The following FGF6 variants were observed in gnomAD, a reference collection of about 807,000 sequenced individuals.
The protein encoded by FGF6 is fibroblast growth factor 6.
FGF6 carries 14 observed loss-of-function variants against 18.4 expected under a neutral mutation model. That is an observed-to-expected ratio of 0.76 (90% confidence interval 0.50 to 1.19). FGF6 has a LOEUF of 1.19. Among genes scored for constraint, FGF6 ranks in the 50% most tolerant of loss-of-function variants. The probability of loss-of-function intolerance (pLI) is 0.00; values close to 1 mark genes in which losing one functional copy is unlikely to be tolerated. For missense variants in FGF6, 266 were observed against 271.6 expected (o/e 0.98, Z 0.15); for synonymous variants, 125 against 116.7 (o/e 1.07, Z -0.46).
At position 4,445,681 on chromosome 12, in the gene FGF6, A is replaced by T. The variant is rs1865757461; in HGVS notation, c.-111T>A. The T allele has an allele frequency of 3.4e-6, 3 of 891,934 alleles. No homozygotes were observed. Among genetic ancestry groups the T allele is most frequent in the South Asian group, 1.8e-5 (1 of 56,284 alleles). 55.3% of individuals were successfully genotyped at this position (891,934 alleles called of 1,614,324 possible). A position where few individuals can be genotyped will look rare whatever the true frequency, so the allele number is the denominator to read the frequency against. ...GGGGCTTATTTTTGGAAGGCAGATG[A>T]AGGCTGCTGACATGAAACCAAAGCC... On this transcript the variant is annotated 5_prime_UTR_variant, in exon 1 of 3. Coordinates refer to ENST00000228837, the MANE Select transcript of FGF6 (RefSeq NM_020996.3). This position sits in a 1 kb window ranked among gnomAD's most constrained non-coding sequence, Gnocchi z 5.5.
At chr12:4,440,285 C>T (rs1865675803) in intron 2 of FGF6, among the ~76,000 whole-genome samples, 1 of 152,172 alleles carries the variant, frequency 6.6e-6, no homozygotes, top group South Asian at 2.1e-4. Context: ...CAAGCATATC[C>T]ATGGGGTAGA....
At chr12:4,439,423 G>A (rs1032918557) in intron 2 of FGF6, among the ~76,000 whole-genome samples, 2 of 152,288 alleles carry the variant, frequency 1.3e-5, no homozygotes, top group African/African-American at 4.8e-5. Context: ...GAAATCTTGA[G>A]GTGGAGGAAG....
chr12:4,435,785 G>A (rs117878216), intron 2 of FGF6, among the ~76,000 whole-genome samples: 20 of 152,196 alleles, frequency 1.3e-4, no homozygotes, highest in East Asian at 1.9e-4. Context: ...TTCCTGTCTC[G>A]CATGCACAGA....
chr12:4,434,160 A>G lies in FGF6; in HGVS notation c.*55T>C, dbSNP rs975106854. The stretch of plus-strand genomic sequence containing the variant: ...GCAAGGGGAATTCTTCGCTGGTGCA[A>G]AATTTCAATCGAACAGATGATGCTT... On this transcript the variant is annotated 3_prime_UTR_variant, in exon 3 of 3. Transcript: ENST00000228837. 1.3e-6 allele frequency: 2 copies of G among 1,590,880 alleles called. No individual in the cohort carries two copies. Among genetic ancestry groups the G allele is most frequent in the African/African-American group, 1.3e-5 (1 of 74,384 alleles).
intron 2 of FGF6, among the ~76,000 whole-genome samples, chr12:4,442,004 C>A (rs916850735): frequency 1.3e-5 from 2 of 151,894 alleles, no homozygotes; most frequent in Non-Finnish European, 1.5e-5. Flanking sequence ...GCCCTGAGGT[C>A]CAGGGAGGAG....
At chr12:4,444,094 C>A in intron 2 of FGF6, 39 bp downstream of exon 2, 1 of 1,310,738 alleles carries the variant, frequency 7.6e-7, no homozygotes, top group Non-Finnish European at 1.1e-6. Context: ...AAGCATCAAG[C>A]CTTGTAAACC....
rs71583765 is a variant in FGF6, at chr12:4,434,279, C to A, written c.563G>T (p.Arg188Leu). Reference protein sequence around the residue: ...GTYIALSKYGRVKRGSKVSPI... With the variant: ...GTYIALSKYGLVKRGSKVSPI... ...GGACACCTTGCTGCCCCGCTTTACC[C>A]GTCCGTATTTGCTCAGGGCAATGTA... Residue 188 changes from arginine to leucine, a missense_variant, in exon 3 of 3, where the codon CGG (arginine) becomes CTG (leucine). Coordinates refer to ENST00000228837, the MANE Select transcript of FGF6 (RefSeq NM_020996.3). 6.2e-7 allele frequency: 1 copy of A among 1,614,174 alleles called. No homozygotes were observed. Among genetic ancestry groups the A allele is most frequent in the Non-Finnish European group, 8.5e-7 (1 of 1,180,018 alleles).
At chr12:4,440,885 C>T (rs1297609791) in intron 2 of FGF6, among the ~76,000 whole-genome samples, 1 of 151,624 alleles carries the variant, frequency 6.6e-6, no homozygotes, top group African/African-American at 2.4e-5. Flanking sequence ...CCTTGTAATG[C>T]CCCAGATAAT....
intron 2 of FGF6, 28 bp downstream of exon 2, chr12:4,444,105 T>C: frequency 1.4e-6 from 2 of 1,444,516 alleles, no homozygotes; most frequent in Non-Finnish European, 1.9e-6. Flanking sequence ...CTTGTAAACC[T>C]GGCACTTCCC....
intron 2 of FGF6, among the ~76,000 whole-genome samples, chr12:4,436,718 C>T (rs1865633099): frequency 6.6e-6 from 1 of 152,210 alleles, no homozygotes; most frequent in African/African-American, 2.4e-5. Flanking sequence ...AGGGGACAGC[C>T]TTGCCTATGG....
intron 2 of FGF6, among the ~76,000 whole-genome samples, chr12:4,443,065 A>G (rs2241282): frequency 0.12 from 18,624 of 152,224 alleles, 1,463 homozygotes; most frequent in East Asian, 0.38. Flanking sequence ...AGACCCACTG[A>G]TTGTAGTGCA....
intron 2 of FGF6, among the ~76,000 whole-genome samples, chr12:4,434,794 C>T (rs953397523): frequency 2.0e-5 from 3 of 152,194 alleles, no homozygotes; most frequent in African/African-American, 7.2e-5. Context: ...CTCAAGTCCA[C>T]TCTGAGAGGG....
Position 4,445,305 on chromosome 12 carries a change from T to C in FGF6, c.266A>G (p.Tyr89Cys), listed in dbSNP as rs1047038278. ...GTGAAAGCCGATGCCCACGTTGCAG[T>C]AGAGCCTCCGCTGCCGCTTGATCCC... Reference protein sequence around the residue: ...LVGIKRQRRLYCNVGIGFHLQ... With the variant: ...LVGIKRQRRLCCNVGIGFHLQ... The change falls in exon 1 of 3, where the codon TAC (tyrosine) becomes TGC (cysteine). Residue 89 changes from tyrosine (Y) to cysteine (C), a missense_variant. By Grantham distance (194) the Tyr-to-Cys change is radical. Transcript: ENST00000228837. This position sits in a 1 kb window ranked among gnomAD's most constrained non-coding sequence, Gnocchi z 5.5. 13 of 1,613,976 alleles carry C rather than the reference T, an allele frequency of 8.1e-6. No individual in the cohort carries two copies. The highest frequency in any genetic ancestry group is 1.0e-5 in the Non-Finnish European group (12 of 1,180,032).
chr12:4,444,300 G>T (rs1476375791), intron 1 of FGF6, 64 bp from the exon 2 acceptor site: 5 of 1,079,286 alleles, frequency 4.6e-6, no homozygotes, highest in Middle Eastern at 2.0e-4. Context: ...AACTTGAGCC[G>T]ACAAGGGCAT....
At chr12:4,442,704 A>T (rs1354706279) in intron 2 of FGF6, among the ~76,000 whole-genome samples, 1 of 152,168 alleles carries the variant, frequency 6.6e-6, no homozygotes, top group Non-Finnish European at 1.5e-5. Flanking sequence ...GCTCCATCAA[A>T]ACCTGGGTTG....
At chr12:4,434,417 G>C in intron 2 of FGF6, 26 bp from the exon 3 acceptor site, 1 of 1,613,474 alleles carries the variant, frequency 6.2e-7, no homozygotes, top group Non-Finnish European at 8.5e-7. Flanking sequence ...GCAAACAGCA[G>C]AGACTGGGTT....
chr12:4,436,683 T>G (rs1167589960), intron 2 of FGF6, among the ~76,000 whole-genome samples: 2 of 152,188 alleles, frequency 1.3e-5, no homozygotes, highest in Admixed American at 6.5e-5. Flanking sequence ...TGGGTGGCTC[T>G]TTCAATGTGA....
chr12:4,442,705 AC>A (rs1346784756), intron 2 of FGF6, among the ~76,000 whole-genome samples: 1 of 152,132 alleles, frequency 6.6e-6, no homozygotes, highest in African/African-American at 2.4e-5. Flanking sequence ...CTCCATCAAA[AC>A]CTGGGTTGGT....
chr12:4,443,928 A>C (rs1236359874), intron 2 of FGF6, among the ~76,000 whole-genome samples: 3 of 152,148 alleles, frequency 2.0e-5, no homozygotes, highest in African/African-American at 7.2e-5. Context: ...GGAACAGAAG[A>C]AGCACGGGCC....
Sources: gnomAD v4.1 joint callset for allele counts (sites outside exome capture counted in the v4.1 genomes callset) on GRCh38, gnomAD v4.1.1 for gene constraint, Gnocchi (gnomAD v3.1) non-coding constraint, MANE v1.5 for transcripts, NCBI Gene and HGNC (gene_info 2026-07-23, HGNC 2026-07-21) for gene names.